Variants in B3GLCT observed in about 807,000 individuals in gnomAD.
B3GLCT encodes beta 3-glucosyltransferase, also known as beta-1,3-glucosyltransferase.
B3GLCT carries 65 observed loss-of-function variants against 63.4 expected under a neutral mutation model. That is an observed-to-expected ratio of 1.03 (90% CI 0.84 to 1.26). The LOEUF (loss-of-function observed/expected upper bound fraction) is 1.26. Among genes scored for constraint, B3GLCT ranks in the 50% most tolerant of loss-of-function variants. B3GLCT has a pLI of 0.00. For synonymous variants in B3GLCT, 233 were observed against 219.2 expected, an observed-to-expected ratio of 1.06 and a Z score of -0.55; for missense variants, 577 against 604.8, an observed-to-expected ratio of 0.95 and a Z score of 0.48.
chr13:31,208,458 G>A (rs1869082546), intron 1 of B3GLCT, among the ~76,000 whole-genome samples: 1 of 152,114 alleles, frequency 6.6e-6, no homozygotes, highest in Non-Finnish European at 1.5e-5. Context: ...CGGCTCTCCT[G>A]CCTGTCTGCA....
chr13:31,267,944 G>A (rs1003848123), intron 7 of B3GLCT, among the ~76,000 whole-genome samples: 3 of 151,374 alleles, frequency 2.0e-5, no homozygotes, highest in African/African-American at 4.9e-5. Context: ...AGGCTCAAGC[G>A]ATCCTCCCAC....
intron 1 of B3GLCT, among the ~76,000 whole-genome samples, chr13:31,211,112 C>T (rs1356499588): frequency 6.6e-6 from 1 of 152,142 alleles, no homozygotes; most frequent in Non-Finnish European, 1.5e-5. Flanking sequence ...AACCAACTGG[C>T]AGCCGGGCAT....
intron 12 of B3GLCT, among the ~76,000 whole-genome samples, chr13:31,291,980 A>G (rs370635693): frequency 6.6e-6 from 1 of 152,266 alleles, no homozygotes; most frequent in African/African-American, 2.4e-5. Flanking sequence ...TTATTTTGAG[A>G]TACATTTCAT....
intron 12 of B3GLCT, among the ~76,000 whole-genome samples, chr13:31,287,308 C>T (rs1873383256): frequency 6.6e-6 from 1 of 152,052 alleles, no homozygotes; most frequent in African/African-American, 2.4e-5. Flanking sequence ...AGGAAACTAC[C>T]CGATGCTGGG....
At chr13:31,231,034 T>G (rs904321837) in intron 4 of B3GLCT, among the ~76,000 whole-genome samples, 2 of 152,118 alleles carry the variant, frequency 1.3e-5, no homozygotes, top group Non-Finnish European at 2.9e-5. Flanking sequence ...TTTTTTCTTT[T>G]TTTTGGAAAC....
intron 11 of B3GLCT, among the ~76,000 whole-genome samples, chr13:31,285,574 GT>G (rs1811599744): frequency 1.0e-5 from 1 of 96,364 alleles, no homozygotes; most frequent in Non-Finnish European, 2.0e-5. Context: ...TTGTTCTTTA[GT>G]TTTTTTGTTC....
intron 1 of B3GLCT, among the ~76,000 whole-genome samples, chr13:31,213,633 C>CCT (rs1555244552): frequency 3.2e-5 from 4 of 126,558 alleles, no homozygotes; most frequent in East Asian, 3.2e-4. Flanking sequence ...CCCCCCCCCC[C>CCT]GCCAAAACTC....
At chr13:31,271,072 G>A (rs1217137965) in intron 8 of B3GLCT, among the ~76,000 whole-genome samples, 1 of 152,184 alleles carries the variant, frequency 6.6e-6, no homozygotes, top group Non-Finnish European at 1.5e-5. Flanking sequence ...CAGTGCATGT[G>A]GGCCTCCATG....
Position 31,323,778 on chromosome 13 carries a change from G to T in B3GLCT, c.1212G>T (p.Arg404Ser), listed in dbSNP as rs1875454821. Residue 404 changes from arginine (R) to serine (S), a missense_variant, in exon 14 of 15, where the codon AGG becomes AGT. Coordinates refer to ENST00000343307, the MANE Select transcript of B3GLCT (RefSeq NM_194318.4). ...TGGTCTTCAGCAGAGAAGCCGTCAG[G>T]AGACTTCTCGCCAGTAAATGTCGAT... ...GGMVFSREAV[R>S]RLLASKCRCY... The T allele has an allele frequency of 6.2e-7, 1 of 1,614,178 alleles. No individual in the cohort carries two copies. The highest frequency in any genetic ancestry group is 8.5e-7 in the Non-Finnish European group (1 of 1,180,030).
intron 9 of B3GLCT, among the ~76,000 whole-genome samples, chr13:31,275,772 G>A (rs1404167576): frequency 6.6e-6 from 1 of 152,046 alleles, no homozygotes; most frequent in African/African-American, 2.4e-5. Flanking sequence ...CATTTGAAGA[G>A]ATAAATACAT....
chr13:31,201,010 T>TAAAA (rs11463665), intron 1 of B3GLCT, among the ~76,000 whole-genome samples: 1 of 143,384 alleles, frequency 7.0e-6, no homozygotes, highest in Non-Finnish European at 1.5e-5. Context: ...TGATAAAAGT[T>TAAAA]AAAAAAAAAA....
chr13:31,276,879 T>G, intron 10 of B3GLCT, 108 bp downstream of exon 10: 1 of 835,722 alleles, frequency 1.2e-6, no homozygotes, highest in Non-Finnish European at 2.0e-6. Context: ...ATAATGACAA[T>G]TCGGATGTTG....
chr13:31,238,769 C>A (rs1235040510), intron 4 of B3GLCT, among the ~76,000 whole-genome samples: 1 of 152,104 alleles, frequency 6.6e-6, no homozygotes, highest in African/African-American at 2.4e-5. Flanking sequence ...TAGCAAGACC[C>A]CATCTCAAAA....
At chr13:31,264,127 C>T (rs2137835962) in intron 7 of B3GLCT, among the ~76,000 whole-genome samples, 1 of 152,148 alleles carries the variant, frequency 6.6e-6, no homozygotes, top group African/African-American at 2.4e-5. Context: ...TGAGAGTTCC[C>T]TCCCCATGGC....
intron 12 of B3GLCT, among the ~76,000 whole-genome samples, chr13:31,304,412 T>G (rs1874337135): frequency 1.8e-5 from 1 of 54,922 alleles, no homozygotes; most frequent in Non-Finnish European, 3.9e-5. Context: ...GACCCATCAG[T>G]GTGCTGTATT....
At chr13:31,212,470 T>G (rs1393461663) in intron 1 of B3GLCT, among the ~76,000 whole-genome samples, 1 of 152,042 alleles carries the variant, frequency 6.6e-6, no homozygotes, top group Non-Finnish European at 1.5e-5. Flanking sequence ...AGATGGGGTT[T>G]CACTGTTTTG....
At chr13:31,290,088 A>G (rs929566323) in intron 12 of B3GLCT, among the ~76,000 whole-genome samples, 30 of 151,438 alleles carry the variant, frequency 2.0e-4, no homozygotes, top group African/African-American at 6.1e-4. Flanking sequence ...TCCTTGTTCA[A>G]CTCCCACTTA....
At chr13:31,223,659 T>A (rs1400093451) in intron 3 of B3GLCT, among the ~76,000 whole-genome samples, 1 of 152,202 alleles carries the variant, frequency 6.6e-6, no homozygotes, top group Non-Finnish European at 1.5e-5. Flanking sequence ...GCCCAGTGTG[T>A]AAGGCCACAC....
At position 31,295,315 on chromosome 13, in the gene B3GLCT, G is replaced by A. The variant is rs977855174; in HGVS notation, c.1064+8496G>A. 7.6e-4 allele frequency among the ~76,000 whole-genome samples: 116 copies of A among 152,340 alleles called. 1 individual carries two copies. The highest frequency in any genetic ancestry group is 2.6e-3 in the African/African-American group (110 of 41,586). ...GTTCAGGGACCCACTTGAGGAGGGA[G>A]TCTGTCCCTTAGCAGAGCTCCAGTG... On this transcript the variant is annotated intron_variant, in intron 12 of 14. Transcript: ENST00000343307.
Sources: allele counts gnomAD v4.1 joint callset (sites outside exome capture counted in the v4.1 genomes callset), GRCh38; gene constraint gnomAD v4.1.1; transcripts MANE v1.5; gene names NCBI Gene and HGNC (gene_info 2026-07-23, HGNC 2026-07-21).